DNAH14: variants seen among roughly 807,000 people sequenced by gnomAD.
The protein encoded by DNAH14 is axonemal beta dynein heavy chain 14.
In DNAH14, 478 loss-of-function variants were observed where a neutral mutation model predicts 520.9. The ratio of observed to expected loss-of-function variants is 0.92; its 90% CI spans 0.85 to 0.99. The LOEUF (loss-of-function observed/expected upper bound fraction) is 0.99, where lower values mean the gene tolerates loss of function less well. DNAH14 is among the 50% of genes least tolerant of loss of function. The pLI, the probability that DNAH14 is intolerant of heterozygous loss-of-function variation, is 0.00. For missense variants in DNAH14, 4,831 were observed against 5,234.5 expected (o/e 0.92, Z 2.38); for synonymous variants, 1,581 against 1,757.2 (o/e 0.90, Z 2.51).
At chr1:225,239,769 T>C (rs1404350606) in intron 42 of DNAH14, among the ~76,000 whole-genome samples, 1 of 152,250 alleles carries the variant, frequency 6.6e-6, no homozygotes, top group Non-Finnish European at 1.5e-5. Context: ...AGTGAACTAT[T>C]ACATATAGCT....
At chr1:225,048,879 AT>A (rs1362847825) in intron 15 of DNAH14, among the ~76,000 whole-genome samples, 1 of 152,152 alleles carries the variant, frequency 6.6e-6, no homozygotes, top group Non-Finnish European at 1.5e-5. Context: ...GTATTGCCAG[AT>A]TAAAAACAAA....
At chr1:225,364,745 G>T in intron 75 of DNAH14, 47 bp from the exon 76 acceptor site, 2 of 1,354,254 alleles carry the variant, frequency 1.5e-6, no homozygotes, top group Non-Finnish European at 2.0e-6. Context: ...AAACATGTTG[G>T]TTTACATTTT....
At chr1:225,150,427 G>T (rs991547223) in intron 31 of DNAH14, among the ~76,000 whole-genome samples, 1 of 152,120 alleles carries the variant, frequency 6.6e-6, no homozygotes, top group Non-Finnish European at 1.5e-5. Flanking sequence ...TTACAGAGGA[G>T]TCTCTCCTCC....
intron 28 of DNAH14, 142 bp downstream of exon 28, chr1:225,141,163 T>A (rs772515071): frequency 6.0e-5 from 46 of 770,868 alleles, no homozygotes; most frequent in Non-Finnish European, 9.1e-5. Context: ...ACTGTACCAA[T>A]CTGAGTATAT....
chr1:225,210,305 G>T lies in DNAH14; in HGVS notation c.6439+3085G>T, dbSNP rs75170740. Among the ~76,000 whole-genome samples the T allele has an allele frequency of 9.5e-3, 1,443 of 152,196 alleles. 34 individuals carry two copies. The highest frequency in any genetic ancestry group is 0.065 in the East Asian group (336 of 5,146). The stretch of plus-strand genomic sequence containing the variant: ...GCACAGCAGTATGAAGTTTACCTGG[G>T]ACTCTCGAGCTTGGTATGGGGAAGG... On this transcript the variant is annotated intron_variant, in intron 41 of 85. Coordinates refer to ENST00000682510, the MANE Select transcript of DNAH14 (RefSeq NM_001367479.1).
intron 19 of DNAH14, among the ~76,000 whole-genome samples, chr1:225,080,991 T>C (rs982362850): frequency 2.6e-5 from 4 of 152,216 alleles, no homozygotes; most frequent in Admixed American, 6.5e-5. Flanking sequence ...GTTCCCTGCA[T>C]AGAACCCCAG....
chr1:225,330,064 T>A (rs562742457), intron 64 of DNAH14, among the ~76,000 whole-genome samples: 9 of 152,142 alleles, frequency 5.9e-5, no homozygotes, highest in Admixed American at 5.2e-4. Flanking sequence ...CTCAATATCA[T>A]TGATCATCAG....
At chr1:225,234,112 A>G (rs2091369078) in intron 42 of DNAH14, among the ~76,000 whole-genome samples, 1 of 151,958 alleles carries the variant, frequency 6.6e-6, no homozygotes, top group East Asian at 1.9e-4. Context: ...GTACAATCTT[A>G]TTTCTGAGTT....
At chr1:225,322,585 A>G in intron 61 of DNAH14, 79 bp from the exon 62 acceptor site, 2 of 1,311,274 alleles carry the variant, frequency 1.5e-6, no homozygotes, top group Admixed American at 2.8e-5. Flanking sequence ...AAATCTGTGT[A>G]TATTGTCTTC....
At chr1:225,315,990 G>A (rs1441622689) in intron 60 of DNAH14, among the ~76,000 whole-genome samples, 1 of 152,222 alleles carries the variant, frequency 6.6e-6, no homozygotes, top group African/African-American at 2.4e-5. Flanking sequence ...CCAGGCAGAT[G>A]GGAGTTTTAT....
At chr1:225,269,952 C>T (rs974715428) in intron 49 of DNAH14, among the ~76,000 whole-genome samples, 2 of 152,204 alleles carry the variant, frequency 1.3e-5, no homozygotes, top group Non-Finnish European at 2.9e-5. Context: ...TACCATTTGA[C>T]TCAGCCATCC....
intron 39 of DNAH14, among the ~76,000 whole-genome samples, chr1:225,204,774 C>A (rs2087309557): frequency 6.6e-6 from 1 of 152,198 alleles, no homozygotes; most frequent in Non-Finnish European, 1.5e-5. Context: ...CTGACCATTG[C>A]TTTCCCCACT....
At chr1:225,170,836 G>A (rs113939652) in intron 36 of DNAH14, among the ~76,000 whole-genome samples, 25 of 152,044 alleles carry the variant, frequency 1.6e-4, no homozygotes, top group Admixed American at 1.0e-3. Flanking sequence ...GCACCACACC[G>A]CACTTATTCC....
chr1:225,104,635 T>A (rs2075849584), intron 23 of DNAH14, among the ~76,000 whole-genome samples: 1 of 152,152 alleles, frequency 6.6e-6, no homozygotes, highest in African/African-American at 2.4e-5. Context: ...TGTCAAGGAA[T>A]TTATCCATTT....
intron 12 of DNAH14, among the ~76,000 whole-genome samples, chr1:225,041,513 T>G (rs921072893): frequency 6.6e-6 from 1 of 152,242 alleles, no homozygotes; most frequent in Non-Finnish European, 1.5e-5. Context: ...TAGTTCATAT[T>G]ATAACGATGT....
intron 15 of DNAH14, among the ~76,000 whole-genome samples, chr1:225,047,445 T>C (rs1177029186): frequency 6.6e-6 from 1 of 152,190 alleles, no homozygotes; most frequent in East Asian, 1.9e-4. Flanking sequence ...TTTCAATATA[T>C]AATCCTTACC....
At chr1:225,382,220 C>T (rs1448975306) in intron 81 of DNAH14, among the ~76,000 whole-genome samples, 1 of 152,080 alleles carries the variant, frequency 6.6e-6, no homozygotes, top group Non-Finnish European at 1.5e-5. Flanking sequence ...AACTTCACAC[C>T]TACTAAGATG....
intron 21 of DNAH14, among the ~76,000 whole-genome samples, chr1:225,091,244 C>T (rs967450228): frequency 6.6e-6 from 1 of 152,056 alleles, no homozygotes; most frequent in South Asian, 2.1e-4. Context: ...CAGAGAACCC[C>T]TGTGAGGTAC....
chr1:225,126,106 C>T (rs2077694080), intron 27 of DNAH14, among the ~76,000 whole-genome samples: 1 of 152,168 alleles, frequency 6.6e-6, no homozygotes, highest in Non-Finnish European at 1.5e-5. Context: ...ACAATAGTAA[C>T]ATCCAAGATC....
Sources: allele counts gnomAD v4.1 joint callset (sites outside exome capture counted in the v4.1 genomes callset), GRCh38; gene constraint gnomAD v4.1.1; transcripts MANE v1.5; gene names NCBI Gene and HGNC (gene_info 2026-07-23, HGNC 2026-07-21).